The following SPOCK3 variants were observed in gnomAD, a reference collection of about 807,000 sequenced individuals.
The protein encoded by SPOCK3 is testican-3.
A neutral mutation model predicts 56.6 loss-of-function variants in SPOCK3; 30 were observed. That is an observed-to-expected ratio of 0.53 (90% CI 0.40 to 0.72). The LOEUF is 0.72. SPOCK3 is among the 30% of genes least tolerant of loss of function. The pLI is 0.00. For synonymous variants in SPOCK3, 196 were observed against 183.3 expected (o/e 1.07, Z -0.56); for missense variants, 527 against 530.0 (o/e 0.99, Z 0.06).
chr4:166,956,669 G>A (rs1743513756), intron 4 of SPOCK3, among the ~76,000 whole-genome samples: 1 of 152,008 alleles, frequency 6.6e-6, no homozygotes, highest in African/African-American at 2.4e-5. Context: ...CATAGGTAAG[G>A]GGAGAGTACC....
In SPOCK3 at chr4:167,053,449, G is replaced by C. The variant is rs185720139; in HGVS notation, c.235+9043C>G. ...CACAAGTAATCCCAGCACTTTGGGA[G>C]GCCGAGGGGCAGATCACTTGAGTTC... On this transcript the variant is annotated intron_variant, in intron 3 of 10. Transcript: ENST00000357545. Among the ~76,000 whole-genome samples the C allele has an allele frequency of 2.0e-5, 3 of 152,196 alleles. No homozygotes were observed. In the East Asian group the frequency reaches 5.8e-4, roughly 30 times the overall value.
At chr4:166,912,962 T>G (rs1737441791) in intron 4 of SPOCK3, among the ~76,000 whole-genome samples, 1 of 152,198 alleles carries the variant, frequency 6.6e-6, no homozygotes, top group African/African-American at 2.4e-5. Flanking sequence ...AATATGTTCC[T>G]TAAATATATT....
At chr4:167,138,216 G>A (rs1371919483) in intron 2 of SPOCK3, among the ~76,000 whole-genome samples, 1 of 151,692 alleles carries the variant, frequency 6.6e-6, no homozygotes, top group Non-Finnish European at 1.5e-5. Flanking sequence ...CATGATAAAG[G>A]AAGAAGGTTC....
chr4:167,109,478 T>A (rs1580324441), intron 2 of SPOCK3, among the ~76,000 whole-genome samples: 1 of 104,802 alleles, frequency 9.5e-6, no homozygotes. Flanking sequence ...ATAATATATT[T>A]ATATAAAATA....
intron 5 of SPOCK3, among the ~76,000 whole-genome samples, chr4:166,897,749 T>A (rs535750645): frequency 1.3e-5 from 2 of 152,292 alleles, no homozygotes; most frequent in South Asian, 4.1e-4. Flanking sequence ...TTGGCAACGA[T>A]GATGAGATGC....
intron 2 of SPOCK3, among the ~76,000 whole-genome samples, chr4:167,228,100 A>T (rs1736779340): frequency 6.6e-6 from 1 of 152,142 alleles, no homozygotes; most frequent in Admixed American, 6.6e-5. Flanking sequence ...GGCTAGATGG[A>T]TGTTGGCTTT....
chr4:167,224,689 C>G (rs1736412945), intron 2 of SPOCK3, among the ~76,000 whole-genome samples: 1 of 152,052 alleles, frequency 6.6e-6, no homozygotes, highest in Admixed American at 6.6e-5. Flanking sequence ...AAGACTGAGT[C>G]TTGCTCTATT....
chr4:166,849,445 T>G (rs1748449624), intron 6 of SPOCK3, among the ~76,000 whole-genome samples: 1 of 152,098 alleles, frequency 6.6e-6, no homozygotes, highest in African/African-American at 2.4e-5. Flanking sequence ...ACTTGGAGTC[T>G]GCACCCCACA....
intron 7 of SPOCK3, among the ~76,000 whole-genome samples, chr4:166,772,738 A>G (rs1392580507): frequency 6.6e-6 from 1 of 152,108 alleles, no homozygotes; most frequent in Non-Finnish European, 1.5e-5. Flanking sequence ...TTTTAGATTG[A>G]ATTCAGATTC....
chr4:166,900,496 A>C (rs781634035), intron 5 of SPOCK3, among the ~76,000 whole-genome samples: 50 of 152,166 alleles, frequency 3.3e-4, no homozygotes, highest in Non-Finnish European at 6.0e-4. Flanking sequence ...TTAGGTAGCG[A>C]ATAAGATGCA....
intron 6 of SPOCK3, among the ~76,000 whole-genome samples, chr4:166,815,627 A>C (rs1427282524): frequency 6.6e-6 from 1 of 151,974 alleles, no homozygotes; most frequent in Non-Finnish European, 1.5e-5. Flanking sequence ...AAAAATAACA[A>C]AAATTATCTG....
chr4:167,161,251 A>G (rs1765277626), intron 2 of SPOCK3, among the ~76,000 whole-genome samples: 1 of 152,182 alleles, frequency 6.6e-6, no homozygotes, highest in South Asian at 2.1e-4. Context: ...ACACTTCTCA[A>G]AAGAAGACAT....
At chr4:166,840,771 GTTTTTTT>G (rs70955697) in intron 6 of SPOCK3, among the ~76,000 whole-genome samples, 10 of 68,178 alleles carry the variant, frequency 1.5e-4, no homozygotes, top group Admixed American at 4.0e-4. Flanking sequence ...AGAAGCAAAA[GTTTTTTT>G]TTTTTTTTTT....
At chr4:166,815,203 C>A (rs979978439) in intron 6 of SPOCK3, among the ~76,000 whole-genome samples, 9 of 151,682 alleles carry the variant, frequency 5.9e-5, no homozygotes, top group African/African-American at 2.2e-4. Context: ...TACAGGGAAA[C>A]CCTTTCTGTA....
chr4:166,871,421 T>C (rs965135869), intron 6 of SPOCK3, among the ~76,000 whole-genome samples: 1 of 152,140 alleles, frequency 6.6e-6, no homozygotes, highest in African/African-American at 2.4e-5. Flanking sequence ...GATAGTATTA[T>C]GAACAGCTAT....
At chr4:167,143,670 A>T (rs1561261907) in intron 2 of SPOCK3, among the ~76,000 whole-genome samples, 1 of 151,992 alleles carries the variant, frequency 6.6e-6, no homozygotes, top group African/African-American at 2.4e-5. Context: ...ATAGCATCTT[A>T]TACAAAAAAT....
chr4:167,086,101 A>T (rs1318755630), intron 2 of SPOCK3, among the ~76,000 whole-genome samples: 2 of 152,200 alleles, frequency 1.3e-5, no homozygotes, highest in East Asian at 3.9e-4. Flanking sequence ...CCATTTTTCA[A>T]CAAATAAGCT....
chr4:167,139,576 G>C (rs1421773654), intron 2 of SPOCK3, among the ~76,000 whole-genome samples: 25 of 151,900 alleles, frequency 1.6e-4, no homozygotes, highest in Admixed American at 1.6e-3. Flanking sequence ...ATATAAAAGT[G>C]CTTTTATTTC....
chr4:167,009,893 T>C (rs1749859281), intron 3 of SPOCK3, among the ~76,000 whole-genome samples: 1 of 151,618 alleles, frequency 6.6e-6, no homozygotes, highest in Non-Finnish European at 1.5e-5. Flanking sequence ...AAAAACAACA[T>C]GATAATATGA....
Sources: gnomAD v4.1 joint callset for allele counts (sites outside exome capture counted in the v4.1 genomes callset) on GRCh38, gnomAD v4.1.1 for gene constraint, MANE v1.5 for transcripts, NCBI Gene and HGNC (gene_info 2026-07-23, HGNC 2026-07-21) for gene names.